Variants in CAST observed in about 807,000 individuals in gnomAD.
CAST encodes the protein MIR583 host.
Under a neutral mutation model 119.6 loss-of-function variants are expected in CAST, and 76 were observed. The ratio of observed to expected loss-of-function variants is 0.64; its 90% confidence interval spans 0.53 to 0.77. The LOEUF (loss-of-function observed/expected upper bound fraction) is 0.77. Among genes scored for constraint, CAST ranks in the 30% least tolerant of loss-of-function variants. CAST has a pLI of 0.00. For synonymous variants in CAST, 319 were observed against 331.6 expected (o/e 0.96, Z 0.41); for missense variants, 953 against 946.5 (o/e 1.01, Z -0.09).
At chr5:96,762,552 T>G in intron 25 of CAST, 180 bp downstream of exon 25, 3 of 503,190 alleles carry the variant, frequency 6.0e-6, no homozygotes, top group Non-Finnish European at 7.2e-6. Context: ...AACTTTGAAA[T>G]GATTAAATGA....
At chr5:96,052,220 G>T in the CAST span, among the ~76,000 whole-genome samples, 1 of 152,230 alleles carries the variant, frequency 6.6e-6, no homozygotes, top group Non-Finnish European at 1.5e-5. Context: ...GCATGACATT[G>T]TGGGCACTAA....
rs117231842 is a variant in CAST, at chr5:96,563,699, G to A, written c.60+33819G>A. ...TTAAAAATCTAAGATTACGGTATAC[G>A]GTATATGGTATACGGTTCACTGCCG... On this transcript the variant is annotated intron_variant, in intron 1 of 11. Transcript: ENST00000505143. 4.0e-4 allele frequency among the ~76,000 whole-genome samples: 61 copies of A among 152,072 alleles called. 1 individual carries two copies. The East Asian group carries it at 6.7e-3, about 17-fold the overall frequency.
At chr5:96,178,820 G>C in the CAST span, among the ~76,000 whole-genome samples, 2 of 152,158 alleles carry the variant, frequency 1.3e-5, no homozygotes, top group African/African-American at 4.8e-5. Context: ...GCATAGATGA[G>C]AGAGCACTTA....
At chr5:96,077,547 C>T in the CAST span, among the ~76,000 whole-genome samples, 70 of 152,218 alleles carry the variant, frequency 4.6e-4, no homozygotes, top group South Asian at 3.3e-3. Flanking sequence ...TGTGGGGCTG[C>T]TTAGGTCATG....
At chr5:95,969,662 A>G in the CAST span, among the ~76,000 whole-genome samples, 14 of 152,240 alleles carry the variant, frequency 9.2e-5, no homozygotes, top group Admixed American at 4.6e-4. Context: ...GCTTTATTTG[A>G]GTATGAGAGG....
At chr5:96,265,935 G>A in the CAST span, among the ~76,000 whole-genome samples, 8 of 152,020 alleles carry the variant, frequency 5.3e-5, no homozygotes, top group African/African-American at 1.4e-4. Flanking sequence ...AAACTGATAC[G>A]ATGTCATGGA....
intron 1 of CAST, among the ~76,000 whole-genome samples, chr5:96,564,950 C>T (rs1429107380): frequency 6.6e-6 from 1 of 152,130 alleles, no homozygotes; most frequent in Non-Finnish European, 1.5e-5. Flanking sequence ...ATGAGCTCAC[C>T]CAGGCAGAGT....
At chr5:96,318,094 TA>T in the CAST span, among the ~76,000 whole-genome samples, 1 of 151,614 alleles carries the variant, frequency 6.6e-6, no homozygotes, top group Admixed American at 6.6e-5. Context: ...CATCTGAACT[TA>T]AAAAAAAATC....
At chr5:96,234,972 G>A in the CAST span, among the ~76,000 whole-genome samples, 3 of 152,160 alleles carry the variant, frequency 2.0e-5, no homozygotes, top group Non-Finnish European at 4.4e-5. Context: ...AATATTTCAA[G>A]AAAGTATTCA....
At chr5:96,256,499 A>G in the CAST span, among the ~76,000 whole-genome samples, 1 of 151,318 alleles carries the variant, frequency 6.6e-6, no homozygotes, top group African/African-American at 2.4e-5. Context: ...ACAAAATTAG[A>G]TGGTATAGTC....
chr5:96,759,050 C>T (rs1033190949), intron 24 of CAST, among the ~76,000 whole-genome samples: 1 of 151,992 alleles, frequency 6.6e-6, no homozygotes, highest in African/African-American at 2.4e-5. Context: ...TATATGCCCC[C>T]TTCAAAGATA....
the CAST span, among the ~76,000 whole-genome samples, chr5:96,077,004 A>G: frequency 6.6e-6 from 1 of 151,358 alleles, no homozygotes; most frequent in South Asian, 2.1e-4. Context: ...TTTTTATGTA[A>G]CATTCTGTCT....
chr5:96,549,448 C>T (rs1053004906), intron 1 of CAST, among the ~76,000 whole-genome samples: 22 of 152,180 alleles, frequency 1.4e-4, no homozygotes, highest in Non-Finnish European at 2.6e-4. Flanking sequence ...ATAGGAACAG[C>T]TCTGGTCTAT....
the CAST span, among the ~76,000 whole-genome samples, chr5:95,989,407 C>T: frequency 6.6e-6 from 1 of 152,242 alleles, no homozygotes; most frequent in East Asian, 1.9e-4. Flanking sequence ...AGGACCAGCT[C>T]CCCAGTGAGT....
intron 17 of CAST, among the ~76,000 whole-genome samples, chr5:96,746,994 T>C (rs970857471): frequency 8.5e-5 from 13 of 152,224 alleles, no homozygotes; most frequent in Admixed American, 3.3e-4. Flanking sequence ...AGGAATGATA[T>C]CCACCTCTTC....
At chr5:96,367,239 G>A in the CAST span, among the ~76,000 whole-genome samples, 1 of 152,120 alleles carries the variant, frequency 6.6e-6, no homozygotes, top group Admixed American at 6.5e-5. Flanking sequence ...CCCCTACTGG[G>A]GGATGCCTCC....
At chr5:96,359,567 G>T in the CAST span, among the ~76,000 whole-genome samples, 7 of 152,132 alleles carry the variant, frequency 4.6e-5, no homozygotes, top group Non-Finnish European at 1.0e-4. Context: ...GTCTGTAAAG[G>T]ACTTTATTTT....
chr5:96,275,974 A>G, the CAST span, among the ~76,000 whole-genome samples: 9 of 152,206 alleles, frequency 5.9e-5, no homozygotes, highest in Non-Finnish European at 1.3e-4. Flanking sequence ...TCCAAAAGCT[A>G]TTATTTAAAA....
the CAST span, among the ~76,000 whole-genome samples, chr5:96,420,767 G>A: frequency 7.1e-6 from 1 of 141,542 alleles, no homozygotes; most frequent in Admixed American, 7.0e-5. Context: ...GAGGAAGGAA[G>A]AGAGGGAGAG....
Sources: allele counts gnomAD v4.1 joint callset (sites outside exome capture counted in the v4.1 genomes callset), GRCh38; gene constraint gnomAD v4.1.1; transcripts MANE v1.5; gene names NCBI Gene and HGNC (gene_info 2026-07-23, HGNC 2026-07-21).